ZC2HC1A: variants seen among roughly 807,000 people sequenced by gnomAD.
ZC2HC1A encodes zinc finger C2HC domain-containing protein 1A.
In ZC2HC1A, 28 loss-of-function variants were observed where a neutral mutation model predicts 40.7. The ratio of observed to expected loss-of-function variants is 0.69; its 90% CI spans 0.51 to 0.94. The LOEUF is 0.94. ZC2HC1A is among the 40% of genes least tolerant of loss of function. The pLI, the probability that ZC2HC1A is intolerant of heterozygous loss-of-function variation, is 0.00. For synonymous variants in ZC2HC1A, 129 were observed against 129.2 expected, an observed-to-expected ratio of 1.00 and a Z score of 0.01; for missense variants, 389 against 386.3, an observed-to-expected ratio of 1.01 and a Z score of -0.06.
Position 78,666,107 on chromosome 8 carries a change from G to C in ZC2HC1A, c.-42G>C, listed in dbSNP as rs780391678. Reference sequence around the variant, plus strand: ...TACAGCCAGAGCTGGGCGGTGGCGGGCGCTGCTGAAGGAGTCTCGCTGAGC... The same window carrying C: ...TACAGCCAGAGCTGGGCGGTGGCGGCCGCTGCTGAAGGAGTCTCGCTGAGC... On this transcript the variant is annotated 5_prime_UTR_variant, in exon 1 of 9. Transcript: ENST00000263849. 2 of 1,558,102 alleles carry C rather than the reference G, an allele frequency of 1.3e-6. No individual in the cohort carries two copies. The highest frequency in any genetic ancestry group is 1.9e-5 in the Admixed American group (1 of 51,412).
chr8:78,715,261 G>A lies in ZC2HC1A; in HGVS notation c.745G>A (p.Ala249Thr). 1 of 1,613,630 alleles carries A rather than the reference G, an allele frequency of 6.2e-7. No homozygotes were observed. Among genetic ancestry groups the A allele is most frequent in the Non-Finnish European group, 8.5e-7 (1 of 1,179,830 alleles). The part of the protein sequence containing the change: ...KPRNSTPPSL[A>T]RNPAPGVLTN... ...CCGAAATTCCACACCACCTAGTTTG[G>A]CAAGAAATCCTGCCCCAGGTGTGCT... Residue 249 changes from alanine to threonine, a missense_variant, in exon 8 of 9, where the codon GCA becomes ACA. By Grantham distance (58) the Ala-to-Thr change is moderately conservative. Coordinates refer to ENST00000263849, the MANE Select transcript of ZC2HC1A (RefSeq NM_016010.3).
At chr8:78,709,277 C>T (rs1810880690) in intron 7 of ZC2HC1A, among the ~76,000 whole-genome samples, 1 of 151,980 alleles carries the variant, frequency 6.6e-6, no homozygotes, top group African/African-American at 2.4e-5. Context: ...TTTCTCATAC[C>T]TTATTTAAAA....
intron 1 of ZC2HC1A, among the ~76,000 whole-genome samples, chr8:78,673,077 CCT>C (rs1474660741): frequency 1.3e-5 from 2 of 151,974 alleles, no homozygotes; most frequent in Non-Finnish European, 2.9e-5. Context: ...CCTCCCACCC[CCT>C]GACAGGCCCT....
chr8:78,697,390 T>C lies in ZC2HC1A; in HGVS notation c.505-17T>C, dbSNP rs1442504111. 1 of 1,559,346 alleles carries C rather than the reference T, an allele frequency of 6.4e-7. No homozygotes were observed. The highest frequency in any genetic ancestry group is 8.7e-7 in the Non-Finnish European group (1 of 1,151,162). On this transcript the variant is annotated splice_polypyrimidine_tract_variant and intron_variant, in intron 5 of 8. Transcript: ENST00000263849. ...CAAAAAGTGATGTTGATTAATATTT[T>C]TTTTCCATTATTTTAGTATAAGCCA... is the stretch of plus-strand genomic sequence containing the variant.
At chr8:78,684,672 A>C (rs1221592128) in intron 3 of ZC2HC1A, among the ~76,000 whole-genome samples, 1 of 152,240 alleles carries the variant, frequency 6.6e-6, no homozygotes, top group Non-Finnish European at 1.5e-5. Context: ...GTAATGTGGT[A>C]GGTTACTATG....
Position 78,682,309 on chromosome 8 carries a change from C to T in ZC2HC1A, c.210+3630C>T, listed in dbSNP as rs555324877. On this transcript the variant is annotated intron_variant, in intron 3 of 8. Coordinates refer to ENST00000263849, the MANE Select transcript of ZC2HC1A (RefSeq NM_016010.3). ...AAATTGGATGCATAGATGTATTAGT[C>T]CATTTTCCTACTGCTATTAAGAAAT... is the stretch of plus-strand genomic sequence containing the variant. Among the ~76,000 whole-genome samples the T allele has an allele frequency of 3.0e-4, 45 of 149,522 alleles. No individual in the cohort carries two copies. The South Asian group carries it at 8.5e-3, about 28-fold the overall frequency.
intron 4 of ZC2HC1A, among the ~76,000 whole-genome samples, chr8:78,687,101 A>G (rs1245065385): frequency 3.3e-5 from 5 of 152,118 alleles, no homozygotes; most frequent in Non-Finnish European, 7.4e-5. Flanking sequence ...CATTGAGCAG[A>G]TAAAAGTTGC....
chr8:78,676,141 AAAT>A (rs1809572883), intron 2 of ZC2HC1A: 13 of 243,116 alleles, frequency 5.3e-5, no homozygotes, highest in Non-Finnish European at 7.8e-5. Flanking sequence ...AAAAAAAACA[AAAT>A]CAGATACCTT....
chr8:78,692,649 A>C (rs1563629846), intron 5 of ZC2HC1A, among the ~76,000 whole-genome samples: 2 of 152,090 alleles, frequency 1.3e-5, no homozygotes, highest in Non-Finnish European at 2.9e-5. Flanking sequence ...GGTTTCCAGT[A>C]ATCTTTTTGT....
chr8:78,696,017 T>A (rs183492049), intron 5 of ZC2HC1A, among the ~76,000 whole-genome samples: 1 of 152,198 alleles, frequency 6.6e-6, no homozygotes, highest in South Asian at 2.1e-4. Context: ...TTTTTGAAAA[T>A]GATAATTTAA....
intron 3 of ZC2HC1A, among the ~76,000 whole-genome samples, chr8:78,681,462 C>T (rs1235924784): frequency 1.3e-5 from 2 of 152,142 alleles, no homozygotes; most frequent in African/African-American, 4.8e-5. Flanking sequence ...TAATCTCAAA[C>T]ATCTAAATTT....
At chr8:78,668,404 T>G (rs1215519501) in intron 1 of ZC2HC1A, among the ~76,000 whole-genome samples, 1 of 152,196 alleles carries the variant, frequency 6.6e-6, no homozygotes, top group South Asian at 2.1e-4. Context: ...AGTAATTGCG[T>G]AAATATTGTA....
At chr8:78,713,934 T>G (rs1046134926) in intron 7 of ZC2HC1A, among the ~76,000 whole-genome samples, 2 of 152,154 alleles carry the variant, frequency 1.3e-5, no homozygotes, top group African/African-American at 4.8e-5. Flanking sequence ...TAGTGGCTGT[T>G]TGAAAAATAG....
Position 78,686,521 on chromosome 8 carries a change from G to A in ZC2HC1A, c.265G>A (p.Ala89Thr), listed in dbSNP as rs780566556. 4 of 1,550,400 alleles carry A rather than the reference G, an allele frequency of 2.6e-6. No homozygotes were observed. In the South Asian group the frequency reaches 3.9e-5, roughly 15 times the overall value. Residue 89 changes from alanine (A) to threonine (T), a missense_variant, in exon 4 of 9, where the codon GCT (alanine) becomes ACT (threonine). Transcript: ENST00000263849. ...GAGAAGGAAACATGAAGAATTCATT[G>A]CTACCATAAGAGCAGCTAAAGGCCT... ...NWRRKHEEFI[A>T]TIRAAKGLDQ...
rs949789919 is a variant in ZC2HC1A at position 78,682,582 on chromosome 8, C to T, written c.211-3885C>T. Among the ~76,000 whole-genome samples the T allele has an allele frequency of 2.0e-5, 3 of 152,188 alleles. No individual in the cohort carries two copies. The East Asian group carries it at 5.8e-4, about 29-fold the overall frequency. On this transcript the variant is annotated intron_variant, in intron 3 of 8. Transcript: ENST00000263849. ...GATTCAATTACCTCCCAATGGGTTC[C>T]TCCCACAACCTGTGGGGATTATGAG...
At chr8:78,706,746 A>C (rs1810786049) in intron 7 of ZC2HC1A, among the ~76,000 whole-genome samples, 1 of 152,128 alleles carries the variant, frequency 6.6e-6, no homozygotes, top group Admixed American at 6.5e-5. Flanking sequence ...GCTCACATTC[A>C]TTTTGGTTTT....
chr8:78,679,206 C>T (rs1809683697), intron 3 of ZC2HC1A: 1 of 152,100 alleles, frequency 6.6e-6, no homozygotes, highest in Non-Finnish European at 1.5e-5. Flanking sequence ...TAGTTATTGT[C>T]AGCTTATTTT....
Position 78,687,933 on chromosome 8 carries a change from A to G in ZC2HC1A, c.353-1289A>G, listed in dbSNP as rs1021829812. 3.1e-4 allele frequency among the ~76,000 whole-genome samples: 44 copies of G among 142,854 alleles called. 1 individual carries two copies. Among genetic ancestry groups the G allele is most frequent in the Non-Finnish European group, 4.5e-4 (30 of 65,980 alleles). 93.7% of individuals were successfully genotyped at this position (142,854 alleles called of 152,430 possible). On this transcript the variant is annotated intron_variant, in intron 4 of 8. Coordinates refer to ENST00000263849, the MANE Select transcript of ZC2HC1A (RefSeq NM_016010.3). ...TATAAATATATAATTATTTATATCT[A>G]TATTTTTATATATAAACTATATCTA...
intron 5 of ZC2HC1A, among the ~76,000 whole-genome samples, chr8:78,693,513 G>A (rs1399439647): frequency 6.6e-6 from 1 of 152,024 alleles, no homozygotes; most frequent in Non-Finnish European, 1.5e-5. Context: ...TGTGTCTTTT[G>A]GCCGCATAAA....
Sources: gnomAD v4.1 joint callset for allele counts (sites outside exome capture counted in the v4.1 genomes callset) on GRCh38, gnomAD v4.1.1 for gene constraint, MANE v1.5 for transcripts, NCBI Gene and HGNC (gene_info 2026-07-23, HGNC 2026-07-21) for gene names.